The following PTPRD variants were observed in gnomAD, a reference collection of about 807,000 sequenced individuals.
PTPRD encodes the protein protein tyrosine phosphatase receptor type D.
PTPRD carries 34 observed loss-of-function variants against 214.5 expected under a neutral mutation model. That is an observed-to-expected ratio of 0.16 (90% CI 0.12 to 0.21). The LOEUF is 0.21. Ranked by LOEUF, PTPRD falls within the 10% of genes least tolerant of loss-of-function variation. The probability of loss-of-function intolerance (pLI) is 1.00; values close to 1 mark genes in which losing one functional copy is unlikely to be tolerated. For synonymous variants in PTPRD, 1,128 were observed against 845.7 expected (o/e 1.33, Z -5.79); for missense variants, 2,545 against 2,398.7 (o/e 1.06, Z -1.27).
intron 2 of PTPRD, among the ~76,000 whole-genome samples, chr9:10,502,509 A>G (rs1183474278): frequency 3.3e-5 from 5 of 152,072 alleles, no homozygotes; most frequent in Admixed American, 1.3e-4. Context: ...TTTTCACCCA[A>G]CTATTTGATT....
chr9:8,378,542 T>G (rs2083946897), intron 37 of PTPRD, among the ~76,000 whole-genome samples: 1 of 152,120 alleles, frequency 6.6e-6, no homozygotes, highest in African/African-American at 2.4e-5. Flanking sequence ...TATTGTAATA[T>G]TCAAGAAGAT....
intron 5 of PTPRD, among the ~76,000 whole-genome samples, chr9:9,908,584 C>A (rs565110479): frequency 1.3e-5 from 2 of 152,078 alleles, no homozygotes; most frequent in East Asian, 1.9e-4. Context: ...AAGTATTAAA[C>A]GTTCTGGATG....
At chr9:9,121,660 G>C (rs1353142394) in intron 10 of PTPRD, among the ~76,000 whole-genome samples, 2 of 152,066 alleles carry the variant, frequency 1.3e-5, no homozygotes, top group South Asian at 4.1e-4. Context: ...ATGGACTTTG[G>C]GGACTTGGTG....
chr9:8,552,701 C>T (rs530854224), intron 14 of PTPRD, among the ~76,000 whole-genome samples: 2 of 151,964 alleles, frequency 1.3e-5, no homozygotes, highest in East Asian at 3.9e-4. Context: ...AAAGAAGAAG[C>T]CAAATGCAAC....
intron 5 of PTPRD, among the ~76,000 whole-genome samples, chr9:9,795,463 T>C (rs1325231569): frequency 6.6e-6 from 1 of 152,142 alleles, no homozygotes; most frequent in Non-Finnish European, 1.5e-5. Flanking sequence ...AAGGTTTGTA[T>C]TTAAGGAACC....
At chr9:9,106,678 AT>A (rs926877064) in intron 10 of PTPRD, among the ~76,000 whole-genome samples, 5 of 151,528 alleles carry the variant, frequency 3.3e-5, no homozygotes, top group Non-Finnish European at 5.9e-5. Flanking sequence ...TAGGTGTATA[AT>A]TTGCCAATAG....
chr9:10,564,125 G>A (rs913934063), intron 2 of PTPRD, among the ~76,000 whole-genome samples: 2 of 140,338 alleles, frequency 1.4e-5, no homozygotes, highest in Admixed American at 7.6e-5. Context: ...TCAGCCTCCC[G>A]AGTGCTGGGA....
intron 2 of PTPRD, among the ~76,000 whole-genome samples, chr9:10,544,919 T>C (rs1331649363): frequency 6.6e-6 from 1 of 152,222 alleles, no homozygotes; most frequent in South Asian, 2.1e-4. Flanking sequence ...TTCTGTCCCG[T>C]ACTTACCTAG....
intron 5 of PTPRD, among the ~76,000 whole-genome samples, chr9:9,876,026 G>A (rs2066755713): frequency 6.6e-6 from 1 of 151,932 alleles, no homozygotes; most frequent in Admixed American, 6.6e-5. Flanking sequence ...ATTCATTATT[G>A]TAAGAAAAGG....
At position 8,894,817 on chromosome 9, in the gene PTPRD, G is replaced by T. The variant is rs547111195; in HGVS notation, c.-104+123880C>A. On this transcript the variant is annotated intron_variant, in intron 11 of 45. Transcript: ENST00000381196. ...ATGATATGTCCTTGTTGTTAATTTA[G>T]AATATTTCATCACAAAAAAGGAACA... 3.7e-3 allele frequency among the ~76,000 whole-genome samples: 561 copies of T among 152,138 alleles called. 2 individuals carry two copies. Among genetic ancestry groups the T allele is most frequent in the Non-Finnish European group, 5.4e-3 (365 of 68,016 alleles).
intron 11 of PTPRD, among the ~76,000 whole-genome samples, chr9:8,840,939 T>C (rs997474521): frequency 1.3e-5 from 2 of 152,180 alleles, no homozygotes; most frequent in African/African-American, 4.8e-5. Context: ...GTCAGTGTCA[T>C]GTGTGAATCA....
chr9:8,948,505 TTATATA>T (rs1189733065), intron 11 of PTPRD, among the ~76,000 whole-genome samples: 14 of 13,066 alleles, frequency 1.1e-3, no homozygotes, highest in East Asian at 3.6e-3. Flanking sequence ...ATATATATAT[TTATATA>T]TATATATTTA....
chr9:9,106,460 C>T (rs1258479245), intron 10 of PTPRD, among the ~76,000 whole-genome samples: 1 of 150,950 alleles, frequency 6.6e-6, no homozygotes, highest in Non-Finnish European at 1.5e-5. Flanking sequence ...GTTAAATATG[C>T]CTAAAGTTAA....
At chr9:10,067,378 T>C (rs1315218580) in intron 3 of PTPRD, among the ~76,000 whole-genome samples, 1 of 151,814 alleles carries the variant, frequency 6.6e-6, no homozygotes, top group Admixed American at 6.6e-5. Flanking sequence ...ATGTCATCAG[T>C]TTTAAAACTG....
At chr9:9,691,599 C>T (rs1210342042) in intron 7 of PTPRD, among the ~76,000 whole-genome samples, 1 of 151,926 alleles carries the variant, frequency 6.6e-6, no homozygotes, top group Non-Finnish European at 1.5e-5. Context: ...CATGACAGTG[C>T]AGATTCAATA....
intron 10 of PTPRD, among the ~76,000 whole-genome samples, chr9:9,121,945 AG>A (rs1312537400): frequency 1.3e-5 from 2 of 152,220 alleles, no homozygotes; most frequent in African/African-American, 4.8e-5. Context: ...GTAGTCTACA[AG>A]CCCAAGAAAA....
chr9:8,417,637 C>T (rs1029422139), intron 35 of PTPRD, among the ~76,000 whole-genome samples: 1 of 152,082 alleles, frequency 6.6e-6, no homozygotes, highest in Non-Finnish European at 1.5e-5. Flanking sequence ...AGTCTGAACA[C>T]AGAAAAAGTA....
At chr9:9,919,570 C>T (rs1423393928) in intron 5 of PTPRD, among the ~76,000 whole-genome samples, 1 of 152,156 alleles carries the variant, frequency 6.6e-6, no homozygotes, top group Admixed American at 6.6e-5. Flanking sequence ...ATTCATGTAA[C>T]TCCCCTATCA....
Position 10,387,395 on chromosome 9 carries a change from A to G in PTPRD, c.-599-46378T>C, listed in dbSNP as rs114534001. Among the ~76,000 whole-genome samples, 529 of 151,982 alleles carry G rather than the reference A, an allele frequency of 3.5e-3. 2 individuals are homozygous for G. The highest frequency in any genetic ancestry group is 0.012 in the African/African-American group (481 of 41,520). ...AAGTACAGGTTAAGGAAAAGGCTTTACTGGGGAAATGTGTAAGTGAGGATT... is the reference window on the plus strand; with the variant it reads ...AAGTACAGGTTAAGGAAAAGGCTTTGCTGGGGAAATGTGTAAGTGAGGATT... On this transcript the variant is annotated intron_variant, in intron 2 of 45. Coordinates refer to ENST00000381196, the MANE Select transcript of PTPRD (RefSeq NM_002839.4).
Sources: allele counts gnomAD v4.1 joint callset (sites outside exome capture counted in the v4.1 genomes callset), GRCh38; gene constraint gnomAD v4.1.1; transcripts MANE v1.5; gene names NCBI Gene and HGNC (gene_info 2026-07-23, HGNC 2026-07-21).